Variants in ARPC5 observed in about 807,000 individuals in gnomAD.
ARPC5 encodes actin related protein 2/3 complex subunit 5, also known as actin-related protein 2/3 complex subunit 5.
ARPC5 carries 5 observed loss-of-function variants against 15.4 expected under a neutral mutation model. That is an observed-to-expected ratio of 0.32 (90% CI 0.17 to 0.68). The LOEUF (loss-of-function observed/expected upper bound fraction) is 0.68, where lower values mean the gene tolerates loss of function less well. Among genes scored for constraint, ARPC5 ranks in the 30% least tolerant of loss-of-function variants. The probability of loss-of-function intolerance (pLI) is 0.71; values close to 1 mark genes in which losing one functional copy is unlikely to be tolerated. For missense variants in ARPC5, 138 were observed against 192.8 expected, an observed-to-expected ratio of 0.72 and a Z score of 1.68; for synonymous variants, 85 against 72.2, an observed-to-expected ratio of 1.18 and a Z score of -0.90.
rs1411917941 is a variant in ARPC5 at position 183,621,305 on chromosome 1, C to A, written c.*6227G>T. ...GAATTGATCTACAAATAGGCTTGAA[C>A]ATATGTAAAATGACTTGTGTATAAT... On this transcript the variant is annotated 3_prime_UTR_variant, in exon 4 of 4. Transcript: ENST00000359856. The A allele has an allele frequency of 2.6e-5, 4 of 152,208 alleles. No individual in the cohort carries two copies. Among genetic ancestry groups the A allele is most frequent in the African/African-American group, 9.7e-5 (4 of 41,430 alleles). The allele number at this position is 152,208 out of a possible 1,614,324, so 9.4% of individuals were successfully genotyped here.
At position 183,623,245 on chromosome 1, in the gene ARPC5, G is replaced by A. The variant is rs891501269; in HGVS notation, c.*4287C>T. 2 of 640,254 alleles carry A rather than the reference G, an allele frequency of 3.1e-6. No homozygotes were observed. Among genetic ancestry groups the A allele is most frequent in the East Asian group, 5.6e-5 (2 of 35,830 alleles). The allele number at this position is 640,254 out of a possible 1,614,324, so 39.7% of individuals were successfully genotyped here. A position where few individuals can be genotyped will look rare whatever the true frequency, so the allele number is the denominator to read the frequency against. On this transcript the variant is annotated 3_prime_UTR_variant, in exon 4 of 4. Coordinates refer to ENST00000359856, the MANE Select transcript of ARPC5 (RefSeq NM_005717.4). ...GTGGATTCTAGGGAACTGTTTCAGA[G>A]AGAAATAAGAGATGTAAACATAGAT...
At chr1:183,631,655 C>T (rs548753916) in intron 2 of ARPC5, 1 of 151,024 alleles carries the variant, frequency 6.6e-6, no homozygotes, top group African/African-American at 2.4e-5. Flanking sequence ...AATTATCCTT[C>T]AGAAGTAATT....
At position 183,635,671 on chromosome 1, in the gene ARPC5, C is replaced by G; in HGVS notation, c.-12G>C. The G allele has an allele frequency of 6.2e-7, 1 of 1,609,276 alleles. No homozygotes were observed. The highest frequency in any genetic ancestry group is 1.1e-5 in the South Asian group (1 of 90,350). On this transcript the variant is annotated 5_prime_UTR_variant, in exon 1 of 4. Coordinates refer to ENST00000359856, the MANE Select transcript of ARPC5 (RefSeq NM_005717.4). ...GTGTTCTTCGACATCCCAATCCCGA[C>G]CAGCGGCAAAGGCCTCTTCTTGGCG...
chr1:183,635,670 A>G lies in ARPC5; in HGVS notation c.-11T>C. The G allele has an allele frequency of 6.2e-7, 1 of 1,608,740 alleles. No individual in the cohort carries two copies. The highest frequency in any genetic ancestry group is 8.5e-7 in the Non-Finnish European group (1 of 1,177,396). On this transcript the variant is annotated 5_prime_UTR_variant, in exon 1 of 4. Transcript: ENST00000359856. ...TGTGTTCTTCGACATCCCAATCCCG[A>G]CCAGCGGCAAAGGCCTCTTCTTGGC...
chr1:183,633,703 AATTC>A (rs1649332968), intron 1 of ARPC5: 1 of 152,250 alleles, frequency 6.6e-6, no homozygotes. Flanking sequence ...AAGATGTAAT[AATTC>A]ATATGTCCCT....
chr1:183,628,491 G>A (rs1042147604), intron 3 of ARPC5, among the ~76,000 whole-genome samples: 2 of 152,168 alleles, frequency 1.3e-5, no homozygotes, highest in Non-Finnish European at 2.9e-5. Flanking sequence ...GAATACCTTT[G>A]TATACTGAGT....
intron 1 of ARPC5, among the ~76,000 whole-genome samples, 173 bp downstream of exon 1, chr1:183,635,344 G>C (rs963556847): frequency 6.6e-6 from 1 of 152,228 alleles, no homozygotes; most frequent in Non-Finnish European, 1.5e-5. Context: ...GGTAGGAAAC[G>C]GGGGCTTCCC....
At chr1:183,627,689 G>A (rs1387490683) in intron 3 of ARPC5, 95 bp from the exon 4 acceptor site, 17 of 918,628 alleles carry the variant, frequency 1.9e-5, no homozygotes, top group Middle Eastern at 4.2e-4. Context: ...AATGGGCACT[G>A]CTATAGACCC....
In ARPC5 at chr1:183,627,028, C is replaced by T. The variant is rs1649122563; in HGVS notation, c.*504G>A. 6.5e-6 allele frequency: 1 copy of T among 154,150 alleles called. No individual in the cohort carries two copies. Among genetic ancestry groups the T allele is most frequent in the African/African-American group, 2.4e-5 (1 of 41,412 alleles). The allele number at this position is 154,150 out of a possible 1,614,324, so 9.5% of individuals were successfully genotyped here. A position where few individuals can be genotyped will look rare whatever the true frequency, so the allele number is the denominator to read the frequency against. On this transcript the variant is annotated 3_prime_UTR_variant, in exon 4 of 4. Transcript: ENST00000359856. ...CAGTGGTATTCACCCACCACTTATTCCAAAAACATATTTTGCTTATTAAAT... is the reference window on the plus strand; with the variant it reads ...CAGTGGTATTCACCCACCACTTATTTCAAAAACATATTTTGCTTATTAAAT...
At position 183,629,771 on chromosome 1, in the gene ARPC5, A is replaced by C. The variant is rs79578882; in HGVS notation, c.393+690T>G. 6.3e-3 allele frequency among the ~76,000 whole-genome samples: 967 copies of C among 152,342 alleles called. 18 individuals carry two copies. Among genetic ancestry groups the C allele is most frequent in the East Asian group, 0.036 (189 of 5,192 alleles). ...GCCATTTTAACCATCTTTAAGTGTA[A>C]AATCCATTGGCATTAATTATATTCA... On this transcript the variant is annotated intron_variant, in intron 3 of 3. Coordinates refer to ENST00000359856, the MANE Select transcript of ARPC5 (RefSeq NM_005717.4).
At chr1:183,632,729 T>C (rs1649302119) in intron 2 of ARPC5, 1 of 173,500 alleles carries the variant, frequency 5.8e-6, no homozygotes, top group Non-Finnish European at 1.2e-5. Context: ...TATTTAGTAT[T>C]TGTATGGTTT....
Position 183,621,972 on chromosome 1 carries a change from T to C in ARPC5, c.*5560A>G, listed in dbSNP as rs541692244. The C allele has an allele frequency of 6.6e-6, 1 of 152,374 alleles. No individual in the cohort carries two copies. The highest frequency in any genetic ancestry group is 2.1e-4 in the South Asian group (1 of 4,852). The allele number at this position is 152,374 out of a possible 1,614,324, so 9.4% of individuals were successfully genotyped here. On this transcript the variant is annotated 3_prime_UTR_variant, in exon 4 of 4. Coordinates refer to ENST00000359856, the MANE Select transcript of ARPC5 (RefSeq NM_005717.4). ...AGGTCTCAGCCTTATTTTACCCAGC[T>C]TCTATTCAAGAAGGAATTGCTCTGG...
In ARPC5 at chr1:183,635,743, C is replaced by T. The variant is rs1261999513; in HGVS notation, c.-84G>A. On this transcript the variant is annotated 5_prime_UTR_variant, in exon 1 of 4. Coordinates refer to ENST00000359856, the MANE Select transcript of ARPC5 (RefSeq NM_005717.4). ...CAGCCCAGCAACCCACTACCCGGCG[C>T]CTGATTCACTTCCCTCTTCCGCTCT... 2.0e-6 allele frequency: 3 copies of T among 1,532,716 alleles called. No individual in the cohort carries two copies. Among genetic ancestry groups the T allele is most frequent in the African/African-American group, 1.4e-5 (1 of 72,462 alleles). 94.9% of individuals were successfully genotyped at this position (1,532,716 alleles called of 1,614,324 possible).
chr1:183,629,039 G>C lies in ARPC5; in HGVS notation c.393+1422C>G, dbSNP rs146297943. Among the ~76,000 whole-genome samples, 18 of 152,206 alleles carry C rather than the reference G, an allele frequency of 1.2e-4. 1 individual carries two copies. Among genetic ancestry groups the C allele is most frequent in the Admixed American group, 4.6e-4 (7 of 15,280 alleles). ...GTGAACAGCTGCATTAGATACGCTTGAACAGATAGATTTCAGAAATACTTC... is the reference window on the plus strand; with the variant it reads ...GTGAACAGCTGCATTAGATACGCTTCAACAGATAGATTTCAGAAATACTTC... On this transcript the variant is annotated intron_variant, in intron 3 of 3. Transcript: ENST00000359856.
chr1:183,635,725 G>A lies in ARPC5; in HGVS notation c.-66C>T. On this transcript the variant is annotated 5_prime_UTR_variant, in exon 1 of 4. Coordinates refer to ENST00000359856, the MANE Select transcript of ARPC5 (RefSeq NM_005717.4). Reference sequence around the variant, plus strand: ...CCTCTACCTCAGCAAGCCCAGCCCAGCAACCCACTACCCGGCGCCTGATTC... The same window carrying A: ...CCTCTACCTCAGCAAGCCCAGCCCAACAACCCACTACCCGGCGCCTGATTC... 1.3e-6 allele frequency: 2 copies of A among 1,562,204 alleles called. No homozygotes were observed. The highest frequency in any genetic ancestry group is 1.2e-5 in the South Asian group (1 of 83,356).
intron 3 of ARPC5, among the ~76,000 whole-genome samples, chr1:183,627,911 C>T (rs143983556): frequency 0.027 from 4,103 of 151,928 alleles, 188 homozygotes; most frequent in African/African-American, 0.093. Flanking sequence ...CGGTGGCTCA[C>T]GCCTGTAATC....
In ARPC5 at chr1:183,620,881, G is replaced by A. The variant is rs1036648808; in HGVS notation, c.*6651C>T. The stretch of plus-strand genomic sequence containing the variant: ...AATAACCTTTTTATTTATAGTAAAA[G>A]CTATTATAAAGCGAAACTCAAAATG... On this transcript the variant is annotated 3_prime_UTR_variant, in exon 4 of 4. Transcript: ENST00000359856. 3 of 151,890 alleles carry A rather than the reference G, an allele frequency of 2.0e-5. No individual in the cohort carries two copies. Among genetic ancestry groups the A allele is most frequent in the African/African-American group, 4.8e-5 (2 of 41,380 alleles). 9.4% of individuals were successfully genotyped at this position (151,890 alleles called of 1,614,324 possible). A position where few individuals can be genotyped will look rare whatever the true frequency, so the allele number is the denominator to read the frequency against.
intron 3 of ARPC5, among the ~76,000 whole-genome samples, chr1:183,627,821 AT>A (rs1023160573): frequency 3.9e-5 from 6 of 152,346 alleles, no homozygotes; most frequent in Admixed American, 2.0e-4. Flanking sequence ...ATGAAGTTAC[AT>A]TCTAGTGAGA....
In ARPC5 at chr1:183,635,749, T is replaced by G; in HGVS notation, c.-90A>C. The stretch of plus-strand genomic sequence containing the variant: ...AGCAACCCACTACCCGGCGCCTGAT[T>G]CACTTCCCTCTTCCGCTCTGAGGCG... On this transcript the variant is annotated 5_prime_UTR_variant, in exon 1 of 4. Transcript: ENST00000359856. The G allele has an allele frequency of 6.6e-7, 1 of 1,518,122 alleles. No homozygotes were observed. The highest frequency in any genetic ancestry group is 2.4e-5 in the East Asian group (1 of 42,028). The allele number at this position is 1,518,122 out of a possible 1,614,324, so 94.0% of individuals were successfully genotyped here.
Sources: allele counts gnomAD v4.1 joint callset (sites outside exome capture counted in the v4.1 genomes callset), GRCh38; gene constraint gnomAD v4.1.1; transcripts MANE v1.5; gene names NCBI Gene and HGNC (gene_info 2026-07-23, HGNC 2026-07-21).